ANKRD30B: variants seen among roughly 807,000 people sequenced by gnomAD.
ANKRD30B encodes ankyrin repeat domain-containing protein 30B.
A neutral mutation model predicts 202.2 loss-of-function variants in ANKRD30B; 144 were observed. That is an observed-to-expected ratio of 0.71 (90% confidence interval 0.62 to 0.82). The LOEUF is 0.82. ANKRD30B is among the 40% of genes least tolerant of loss of function. The pLI is 0.00. For synonymous variants in ANKRD30B, 508 were observed against 561.3 expected, an observed-to-expected ratio of 0.91 and a Z score of 1.34; for missense variants, 1,487 against 1,669.1, an observed-to-expected ratio of 0.89 and a Z score of 1.90.
rs1466231640 is a variant in ANKRD30B at position 14,854,347 on chromosome 18, C to T, written c.*189C>T. Among the ~76,000 whole-genome samples, 1 of 152,098 alleles carries T rather than the reference C, an allele frequency of 6.6e-6. No homozygotes were observed. The highest frequency in any genetic ancestry group is 2.4e-5 in the African/African-American group (1 of 41,406). ...ATAAAAGTCATATAACAATGGTACC[C>T]TAAACCACCCACCTCACAGCATAGT... On this transcript the variant is annotated 3_prime_UTR_variant, in exon 44 of 44. Coordinates refer to ENST00000690538, the MANE Select transcript of ANKRD30B (RefSeq NM_001367607.2).
chr18:14,757,790 A>G (rs753194843), intron 4 of ANKRD30B, 25 bp from the exon 5 acceptor site: 21 of 1,606,840 alleles, frequency 1.3e-5, no homozygotes, highest in Non-Finnish European at 1.7e-5. Context: ...TCTGCTCATA[A>G]TAAGTTATCT....
At chr18:14,868,876 G>C in the ANKRD30B span, among the ~76,000 whole-genome samples, 2 of 152,194 alleles carry the variant, frequency 1.3e-5, no homozygotes, top group Admixed American at 6.5e-5. Context: ...AAGTGATGCT[G>C]GGACTCTCCT....
At chr18:14,887,327 A>G in the ANKRD30B span, among the ~76,000 whole-genome samples, 1 of 152,142 alleles carries the variant, frequency 6.6e-6, no homozygotes, top group African/African-American at 2.4e-5. Context: ...CAGTGTTGCC[A>G]CCTTTTGAAC....
chr18:14,843,946 A>G (rs1188679170), intron 39 of ANKRD30B, among the ~76,000 whole-genome samples: 1 of 152,168 alleles, frequency 6.6e-6, no homozygotes, highest in Non-Finnish European at 1.5e-5. Flanking sequence ...CTGGTTTTTT[A>G]TATTATTCCT....
At chr18:14,797,274 T>C (rs926306153) in intron 18 of ANKRD30B, among the ~76,000 whole-genome samples, 1 of 152,096 alleles carries the variant, frequency 6.6e-6, no homozygotes, top group African/African-American at 2.4e-5. Flanking sequence ...GCTATGAACA[T>C]ATGCCTTTCT....
chr18:14,847,088 A>G (rs1350147044), intron 39 of ANKRD30B, among the ~76,000 whole-genome samples: 4 of 78,820 alleles, frequency 5.1e-5, no homozygotes, highest in Non-Finnish European at 8.0e-5. Flanking sequence ...ATATATATAT[A>G]TATATGTATA....
the ANKRD30B span, among the ~76,000 whole-genome samples, chr18:14,931,913 A>T: frequency 9.7e-5 from 5 of 51,396 alleles, no homozygotes; most frequent in Admixed American, 2.4e-4. Flanking sequence ...CCCCCACCCC[A>T]CCTCCCTCCT....
rs549104093 is a variant in ANKRD30B at position 14,822,391 on chromosome 18, G to T, written c.2642-92G>T. On this transcript the variant is annotated intron_variant, in intron 30 of 43. Coordinates refer to ENST00000690538, the MANE Select transcript of ANKRD30B (RefSeq NM_001367607.2). ...TGTAATCTCTTTTCAATCCAAGCAT[G>T]AGGATTCATCTTCATATTCACACTG... 123 of 904,226 alleles carry T rather than the reference G, an allele frequency of 1.4e-4. 4 individuals carry two copies. The East Asian group carries it at 3.7e-3, about 27-fold the overall frequency. The allele number at this position is 904,226 out of a possible 1,614,324, so 56.0% of individuals were successfully genotyped here.
intron 34 of ANKRD30B, among the ~76,000 whole-genome samples, chr18:14,835,880 A>G (rs1426400674): frequency 6.6e-6 from 1 of 152,026 alleles, no homozygotes; most frequent in African/African-American, 2.4e-5. Flanking sequence ...TATAAAGGTC[A>G]TTTTGCAGAA....
the ANKRD30B span, among the ~76,000 whole-genome samples, chr18:14,940,336 A>G: frequency 6.6e-6 from 1 of 152,190 alleles, no homozygotes. Context: ...TGCCGCCCTC[A>G]CTGGAGCACA....
At chr18:14,844,355 T>G (rs1971544816) in intron 39 of ANKRD30B, among the ~76,000 whole-genome samples, 1 of 152,230 alleles carries the variant, frequency 6.6e-6, no homozygotes, top group African/African-American at 2.4e-5. Flanking sequence ...GTGAAAACTG[T>G]GACCTATGGA....
the ANKRD30B span, among the ~76,000 whole-genome samples, chr18:14,873,281 T>C: frequency 6.6e-6 from 1 of 152,080 alleles, no homozygotes; most frequent in African/African-American, 2.4e-5. Flanking sequence ...ATCCCAGCAC[T>C]TGGGGAGGCC....
chr18:14,875,676 G>T, the ANKRD30B span, among the ~76,000 whole-genome samples: 1 of 152,080 alleles, frequency 6.6e-6, no homozygotes, highest in African/African-American at 2.4e-5. Context: ...TGGTCATTAG[G>T]GCACTGGTGC....
chr18:14,909,580 GTATTTT>G, the ANKRD30B span, among the ~76,000 whole-genome samples: 1 of 151,888 alleles, frequency 6.6e-6, no homozygotes, highest in African/African-American at 2.4e-5. Flanking sequence ...CTATTTTTTT[GTATTTT>G]TAGTACAGAT....
intron 2 of ANKRD30B, 56 bp downstream of exon 2, chr18:14,752,736 TA>T: frequency 6.5e-7 from 1 of 1,541,044 alleles, no homozygotes; most frequent in Non-Finnish European, 8.8e-7. Flanking sequence ...ATACATAGAA[TA>T]AAAATGAATT....
chr18:14,914,800 G>T, the ANKRD30B span, among the ~76,000 whole-genome samples: 1 of 152,108 alleles, frequency 6.6e-6, no homozygotes, highest in African/African-American at 2.4e-5. Flanking sequence ...GGGGGTTGTC[G>T]TGTTTTAGGT....
intron 15 of ANKRD30B, among the ~76,000 whole-genome samples, chr18:14,790,904 A>G (rs1264133520): frequency 6.6e-6 from 1 of 152,112 alleles, no homozygotes; most frequent in African/African-American, 2.4e-5. Flanking sequence ...TGCTGGCCTC[A>G]TAAAATGAGT....
At chr18:14,880,074 A>G in the ANKRD30B span, among the ~76,000 whole-genome samples, 2 of 152,102 alleles carry the variant, frequency 1.3e-5, no homozygotes, top group Admixed American at 1.3e-4. Flanking sequence ...GAGAGATGAG[A>G]ATCCAGTTTT....
intron 32 of ANKRD30B, among the ~76,000 whole-genome samples, chr18:14,823,867 C>G (rs1409562520): frequency 6.6e-6 from 1 of 152,082 alleles, no homozygotes; most frequent in African/African-American, 2.4e-5. Context: ...CTCAGCTACT[C>G]TTGAGGCTGA....
Sources: gnomAD v4.1 joint callset for allele counts (sites outside exome capture counted in the v4.1 genomes callset) on GRCh38, gnomAD v4.1.1 for gene constraint, MANE v1.5 for transcripts, NCBI Gene and HGNC (gene_info 2026-07-23, HGNC 2026-07-21) for gene names.